The following DNAJC3 variants were observed in gnomAD, a reference collection of about 807,000 sequenced individuals.
DNAJC3 encodes dnaJ homolog subfamily C member 3.
A neutral mutation model predicts 68.6 loss-of-function variants in DNAJC3; 38 were observed. The observed-to-expected ratio is 0.55, with a 90% CI of 0.43 to 0.73. The LOEUF is 0.73. DNAJC3 is among the 30% of genes least tolerant of loss of function. The pLI is 0.00. For missense variants in DNAJC3, 526 were observed against 591.9 expected (o/e 0.89, Z 1.16); for synonymous variants, 203 against 204.0 (o/e 1.00, Z 0.04).
At chr13:95,751,972 A>G (rs188228138) in intron 4 of DNAJC3, among the ~76,000 whole-genome samples, 1 of 152,210 alleles carries the variant, frequency 6.6e-6, no homozygotes, top group Admixed American at 6.5e-5. Context: ...CACTCCCGTG[A>G]TACAATTACC....
intron 4 of DNAJC3, among the ~76,000 whole-genome samples, chr13:95,735,427 A>G (rs1436720475): frequency 1.5e-3 from 189 of 125,202 alleles, no homozygotes; most frequent in Middle Eastern, 3.8e-3. Flanking sequence ...ACTAGTTTAC[A>G]GTCCCACCAA....
At chr13:95,740,708 G>C (rs1321528201) in intron 4 of DNAJC3, among the ~76,000 whole-genome samples, 1 of 152,170 alleles carries the variant, frequency 6.6e-6, no homozygotes, top group Non-Finnish European at 1.5e-5. Flanking sequence ...TGCGCCCACT[G>C]TCTGGCACTC....
chr13:95,700,525 C>G (rs1880556576), intron 1 of DNAJC3, among the ~76,000 whole-genome samples: 1 of 152,106 alleles, frequency 6.6e-6, no homozygotes. Context: ...TTGTGCCAAC[C>G]TAATAAGACA....
chr13:95,757,134 T>C (rs1882686053), intron 4 of DNAJC3, among the ~76,000 whole-genome samples: 1 of 152,214 alleles, frequency 6.6e-6, no homozygotes, highest in African/African-American at 2.4e-5. Context: ...AAATTCTTTC[T>C]TGTACTTTAA....
At chr13:95,728,868 A>G (rs1208679887) in intron 4 of DNAJC3, among the ~76,000 whole-genome samples, 1 of 152,130 alleles carries the variant, frequency 6.6e-6, no homozygotes, top group Non-Finnish European at 1.5e-5. Context: ...TAACTACCCT[A>G]CTTTGCTATT....
Position 95,791,251 on chromosome 13 carries a change from C to A in DNAJC3, c.*221C>A. ...AATGGTTCTATTTCTGACAGAGCAG[C>A]CTGCATCTGCTTTATGCTGTCTGGA... On this transcript the variant is annotated 3_prime_UTR_variant, in exon 12 of 12. Coordinates refer to ENST00000602402, the MANE Select transcript of DNAJC3 (RefSeq NM_006260.5). 1.8e-6 allele frequency: 1 copy of A among 558,958 alleles called. No individual in the cohort carries two copies. Among genetic ancestry groups the A allele is most frequent in the Non-Finnish European group, 3.1e-6 (1 of 320,934 alleles). 34.6% of individuals were successfully genotyped at this position (558,958 alleles called of 1,614,324 possible). A position where few individuals can be genotyped will look rare whatever the true frequency, so the allele number is the denominator to read the frequency against.
intron 1 of DNAJC3, among the ~76,000 whole-genome samples, chr13:95,678,690 C>T (rs1879833972): frequency 6.6e-6 from 1 of 152,152 alleles, no homozygotes; most frequent in Non-Finnish European, 1.5e-5. Flanking sequence ...TTATTTTGGA[C>T]ACTTAAGAGA....
intron 4 of DNAJC3, among the ~76,000 whole-genome samples, chr13:95,733,647 G>A (rs1316527864): frequency 6.7e-6 from 1 of 150,038 alleles, no homozygotes; most frequent in Non-Finnish European, 1.5e-5. Flanking sequence ...TGATCTGCCT[G>A]CCCTGGCCTC....
intron 9 of DNAJC3, among the ~76,000 whole-genome samples, chr13:95,776,602 G>T (rs549696918): frequency 2.0e-5 from 3 of 152,236 alleles, no homozygotes; most frequent in Non-Finnish European, 4.4e-5. Context: ...GATTTGGCCT[G>T]TATTTTGTAT....
At chr13:95,739,800 C>T (rs1266998305) in intron 4 of DNAJC3, among the ~76,000 whole-genome samples, 3 of 152,176 alleles carry the variant, frequency 2.0e-5, no homozygotes, top group Non-Finnish European at 4.4e-5. Context: ...CTGAAGCCTT[C>T]TTCTCTCAGC....
chr13:95,729,229 TCC>T (rs1881628833), intron 4 of DNAJC3, among the ~76,000 whole-genome samples: 1 of 82,326 alleles, frequency 1.2e-5, no homozygotes, highest in Admixed American at 1.5e-4. Context: ...CCCCGCCCTC[TCC>T]CTCTCCCCCT....
intron 4 of DNAJC3, among the ~76,000 whole-genome samples, chr13:95,735,527 T>A (rs1248650588): frequency 2.0e-5 from 3 of 150,020 alleles, no homozygotes; most frequent in Non-Finnish European, 3.0e-5. Flanking sequence ...CTGGTGTGAG[T>A]TGGTATCTCA....
chr13:95,742,405 A>T (rs1412559186), intron 4 of DNAJC3, among the ~76,000 whole-genome samples: 1 of 152,174 alleles, frequency 6.6e-6, no homozygotes, highest in Admixed American at 6.5e-5. Context: ...TGTAGGATCC[A>T]GTGTGATCTC....
At chr13:95,704,849 G>GTTT (rs1292968162) in intron 1 of DNAJC3, among the ~76,000 whole-genome samples, 1 of 102,884 alleles carries the variant, frequency 9.7e-6, no homozygotes, top group African/African-American at 7.3e-5. Flanking sequence ...CTGTGTGTGT[G>GTTT]TGTTTTTTTT....
chr13:95,755,864 C>T (rs191136644), intron 4 of DNAJC3, among the ~76,000 whole-genome samples: 5 of 151,768 alleles, frequency 3.3e-5, no homozygotes, highest in African/African-American at 1.2e-4. Flanking sequence ...TAAGGAAGCC[C>T]CTCGTTTCTC....
chr13:95,678,642 C>G (rs1256545091), intron 1 of DNAJC3, among the ~76,000 whole-genome samples: 3 of 152,182 alleles, frequency 2.0e-5, no homozygotes, highest in Non-Finnish European at 2.9e-5. Flanking sequence ...CCCACCATCC[C>G]TCATCTGTAG....
At chr13:95,777,260 C>T (rs894547096) in intron 9 of DNAJC3, among the ~76,000 whole-genome samples, 49 of 152,060 alleles carry the variant, frequency 3.2e-4, no homozygotes, top group Admixed American at 3.2e-3. Flanking sequence ...AAACCTGGGG[C>T]CAGGTTTTTT....
chr13:95,725,879 G>A (rs1490190879), intron 4 of DNAJC3, among the ~76,000 whole-genome samples: 2 of 132,034 alleles, frequency 1.5e-5, no homozygotes, highest in African/African-American at 2.9e-5. Context: ...CTGTGTCCAC[G>A]TGTTCTCATT....
chr13:95,734,763 T>C (rs1016999520), intron 4 of DNAJC3, among the ~76,000 whole-genome samples: 1 of 152,080 alleles, frequency 6.6e-6, no homozygotes, highest in African/African-American at 2.4e-5. Context: ...AAAGGACCTG[T>C]CTTCAAGTTC....
Sources: allele counts gnomAD v4.1 joint callset (sites outside exome capture counted in the v4.1 genomes callset), GRCh38; gene constraint gnomAD v4.1.1; transcripts MANE v1.5; gene names NCBI Gene and HGNC (gene_info 2026-07-23, HGNC 2026-07-21).